The following VPS13B variants were observed in gnomAD, a reference collection of about 807,000 sequenced individuals.
The protein encoded by VPS13B is intermembrane lipid transfer protein VPS13B.
VPS13B carries 285 observed loss-of-function variants against 426.4 expected under a neutral mutation model. The observed-to-expected ratio is 0.67, with a 90% confidence interval of 0.61 to 0.74. The LOEUF (loss-of-function observed/expected upper bound fraction) is 0.74. Ranked by LOEUF, VPS13B falls within the 30% of genes least tolerant of loss-of-function variation. The pLI, the probability that VPS13B is intolerant of heterozygous loss-of-function variation, is 0.00. For missense variants in VPS13B, 4,537 were observed against 4,782.6 expected (o/e 0.95, Z 1.51); for synonymous variants, 1,676 against 1,676.4 (o/e 1.00, Z 0.01).
At chr8:99,677,456 A>G (rs979060058) in intron 35 of VPS13B, among the ~76,000 whole-genome samples, 5 of 152,244 alleles carry the variant, frequency 3.3e-5, no homozygotes, top group Non-Finnish European at 5.9e-5. Context: ...GAAACAGTAA[A>G]CTTGATGTCA....
intron 3 of VPS13B, among the ~76,000 whole-genome samples, chr8:99,061,216 A>G (rs185031610): frequency 2.0e-5 from 3 of 150,472 alleles, no homozygotes; most frequent in Admixed American, 6.6e-5. Context: ...TTTGATTCAT[A>G]TGCTCTGGAG....
At chr8:99,101,033 G>C (rs1156280594) in intron 4 of VPS13B, among the ~76,000 whole-genome samples, 1 of 150,650 alleles carries the variant, frequency 6.6e-6, no homozygotes, top group African/African-American at 2.4e-5. Flanking sequence ...GATAGAGAGA[G>C]ACTAGTCTCA....
Position 99,326,452 on chromosome 8 carries a change from C to CTTTTTTTTTTTTTTTTTTTTTTTTT in VPS13B, c.2824+51204_2824+51228dup, listed in dbSNP as rs747097247. Reference sequence around the variant, plus strand: ...ATTTCTATCTATCATCTCTAGGTAGCTTTTTTTTTTTTTTTTTTTTTTTTT... The same window carrying CTTTTTTTTTTTTTTTTTTTTTTTTT: ...ATTTCTATCTATCATCTCTAGGTAGCTTTTTTTTTTTTTTTTTTTTTTTTTTTTTTTTTTTTTTTTTTTTTTTTTT... On this transcript the variant is annotated intron_variant, in intron 19 of 61. Transcript: ENST00000357162. 1.0e-3 allele frequency among the ~76,000 whole-genome samples: 34 copies of CTTTTTTTTTTTTTTTTTTTTTTTTT among 32,524 alleles called. 11 individuals are homozygous for CTTTTTTTTTTTTTTTTTTTTTTTTT. Among genetic ancestry groups the CTTTTTTTTTTTTTTTTTTTTTTTTT allele is most frequent in the African/African-American group, 1.8e-3 (14 of 7,746 alleles). 21.3% of individuals were successfully genotyped at this position (32,524 alleles called of 152,430 possible).
intron 33 of VPS13B, among the ~76,000 whole-genome samples, chr8:99,592,505 T>C (rs992409192): frequency 6.6e-6 from 1 of 152,172 alleles, no homozygotes; most frequent in South Asian, 2.1e-4. Context: ...GGTTTTGGTA[T>C]GGATGTCCTT....
intron 43 of VPS13B, among the ~76,000 whole-genome samples, chr8:99,808,484 C>G (rs1813521369): frequency 6.8e-6 from 1 of 147,888 alleles, no homozygotes. Context: ...TCACTGCACT[C>G]CAGCCTGGCA....
intron 4 of VPS13B, among the ~76,000 whole-genome samples, chr8:99,100,598 T>C: frequency 6.6e-6 from 1 of 152,110 alleles, no homozygotes; most frequent in Non-Finnish European, 1.5e-5. Flanking sequence ...CCAGAAAATA[T>C]TTTTAAAAAG....
intron 33 of VPS13B, among the ~76,000 whole-genome samples, chr8:99,631,245 C>G (rs907986788): frequency 6.6e-6 from 1 of 152,034 alleles, no homozygotes; most frequent in Non-Finnish European, 1.5e-5. Flanking sequence ...ATTGGTTTTT[C>G]TGGGAATCAT....
chr8:99,824,966 C>A (rs1814587652), intron 51 of VPS13B, among the ~76,000 whole-genome samples: 1 of 152,180 alleles, frequency 6.6e-6, no homozygotes, highest in Non-Finnish European at 1.5e-5. Context: ...TTTTATTTAT[C>A]CAGTCTATCA....
intron 17 of VPS13B, among the ~76,000 whole-genome samples, chr8:99,202,446 C>G (rs1206877212): frequency 6.6e-6 from 1 of 152,094 alleles, no homozygotes; most frequent in Non-Finnish European, 1.5e-5. Context: ...AATGGGATAT[C>G]TAGAAGAAAT....
At chr8:99,105,134 C>A (rs1846974467) in intron 5 of VPS13B, among the ~76,000 whole-genome samples, 1 of 152,160 alleles carries the variant, frequency 6.6e-6, no homozygotes, top group African/African-American at 2.4e-5. Flanking sequence ...AAGCTTTAGT[C>A]TTCACATTTA....
At chr8:99,855,954 C>T (rs573942850) in intron 56 of VPS13B, among the ~76,000 whole-genome samples, 2 of 152,272 alleles carry the variant, frequency 1.3e-5, no homozygotes, top group South Asian at 4.1e-4. Context: ...GCAGCCTTTG[C>T]TTTTTCACAT....
intron 17 of VPS13B, among the ~76,000 whole-genome samples, chr8:99,216,580 A>C (rs949020353): frequency 6.6e-6 from 1 of 151,720 alleles, no homozygotes; most frequent in African/African-American, 2.4e-5. Context: ...AAGAGATTAA[A>C]ATTTGTATGA....
chr8:99,450,287 A>C (rs542673618), intron 23 of VPS13B, among the ~76,000 whole-genome samples: 21 of 152,380 alleles, frequency 1.4e-4, no homozygotes, highest in Admixed American at 6.5e-4. Context: ...AGTCAGGATA[A>C]CTAAAGCAAA....
At chr8:99,365,116 T>C (rs999440913) in intron 19 of VPS13B, among the ~76,000 whole-genome samples, 4 of 152,066 alleles carry the variant, frequency 2.6e-5, no homozygotes, top group Non-Finnish European at 5.9e-5. Flanking sequence ...GTGGTATTGG[T>C]TGTAATATCT....
intron 19 of VPS13B, among the ~76,000 whole-genome samples, chr8:99,302,996 A>G (rs1820444605): frequency 6.6e-6 from 1 of 151,676 alleles, no homozygotes; most frequent in South Asian, 2.1e-4. Context: ...CTAGTTTAGA[A>G]GGGCCGGGTG....
At chr8:99,593,353 A>G (rs527343226) in intron 33 of VPS13B, among the ~76,000 whole-genome samples, 7 of 152,160 alleles carry the variant, frequency 4.6e-5, no homozygotes, top group Non-Finnish European at 8.8e-5. Context: ...TCAAAACCAC[A>G]ATGAGATACC....
chr8:99,491,641 A>C (rs565493279), intron 25 of VPS13B, among the ~76,000 whole-genome samples: 1 of 151,892 alleles, frequency 6.6e-6, no homozygotes, highest in Admixed American at 6.6e-5. Flanking sequence ...CCTTTCTTCC[A>C]CTTGATTGAA....
intron 14 of VPS13B, among the ~76,000 whole-genome samples, chr8:99,150,575 T>A (rs1446823221): frequency 2.0e-5 from 3 of 152,338 alleles, no homozygotes; most frequent in African/African-American, 7.2e-5. Flanking sequence ...CAACCACTGA[T>A]CTTTTTACTG....
intron 43 of VPS13B, among the ~76,000 whole-genome samples, chr8:99,799,584 G>T (rs1357121597): frequency 6.6e-6 from 1 of 151,962 alleles, no homozygotes; most frequent in Non-Finnish European, 1.5e-5. Context: ...TAAAAATTTT[G>T]GATTTCTCTT....
Sources: gnomAD v4.1 joint callset for allele counts (sites outside exome capture counted in the v4.1 genomes callset) on GRCh38, gnomAD v4.1.1 for gene constraint, MANE v1.5 for transcripts, NCBI Gene and HGNC (gene_info 2026-07-23, HGNC 2026-07-21) for gene names.